Variants in GPC6 observed in about 807,000 individuals in gnomAD.
GPC6 encodes the protein glypican-6.
A neutral mutation model predicts 55.2 loss-of-function variants in GPC6; 14 were observed. The ratio of observed to expected loss-of-function variants is 0.25; its 90% CI spans 0.17 to 0.40. The LOEUF (loss-of-function observed/expected upper bound fraction) is 0.40. Among genes scored for constraint, GPC6 ranks in the 10% least tolerant of loss-of-function variants. GPC6 has a pLI of 1.00. For synonymous variants in GPC6, 278 were observed against 259.6 expected (o/e 1.07, Z -0.68); for missense variants, 641 against 708.5 (o/e 0.90, Z 1.08).
chr13:94,098,146 A>G, intron 4 of GPC6, among the ~76,000 whole-genome samples: 1 of 152,234 alleles, frequency 6.6e-6, no homozygotes, highest in African/African-American at 2.4e-5. Flanking sequence ...TGTAATATGG[A>G]AACTCTTCAT....
At chr13:94,052,519 G>A (rs747438426) in intron 4 of GPC6, among the ~76,000 whole-genome samples, 1 of 152,104 alleles carries the variant, frequency 6.6e-6, no homozygotes, top group Admixed American at 6.6e-5. Flanking sequence ...GTTGTAGGAC[G>A]AGGGAACCAT....
At chr13:93,807,844 C>G (rs969890773) in intron 2 of GPC6, among the ~76,000 whole-genome samples, 2 of 152,230 alleles carry the variant, frequency 1.3e-5, no homozygotes, top group Non-Finnish European at 2.9e-5. Flanking sequence ...ACTGGAAACT[C>G]AAGACCCTTT....
intron 1 of GPC6, among the ~76,000 whole-genome samples, chr13:93,359,056 C>T (rs919542719): frequency 6.7e-6 from 1 of 150,240 alleles, no homozygotes; most frequent in Non-Finnish European, 1.5e-5. Context: ...GCTGCTTCAA[C>T]CTCCTGGGCT....
intron 1 of GPC6, among the ~76,000 whole-genome samples, chr13:93,315,421 G>T (rs952719778): frequency 2.6e-5 from 4 of 151,730 alleles, no homozygotes; most frequent in Admixed American, 2.6e-4. Flanking sequence ...TCATCCCAGT[G>T]CAATTATATT....
chr13:93,925,733 T>C (rs1459761192), intron 3 of GPC6, among the ~76,000 whole-genome samples: 1 of 152,208 alleles, frequency 6.6e-6, no homozygotes, highest in Non-Finnish European at 1.5e-5. Flanking sequence ...TTGTCTTTAC[T>C]TCCTGATGTC....
chr13:93,636,927 G>GT lies in GPC6; in HGVS notation c.319+91521dup, dbSNP rs11299933. ...TCAAACAGCACAGAATAATGGTATA[G>GT]TTTTTTTTTTTTTTTCTCTCTCCTC... On this transcript the variant is annotated intron_variant, in intron 2 of 8. Transcript: ENST00000377047. 8.9e-3 allele frequency among the ~76,000 whole-genome samples: 1,284 copies of GT among 145,044 alleles called. 9 individuals are homozygous for GT. The highest frequency in any genetic ancestry group is 0.022 in the African/African-American group (876 of 39,722).
At chr13:93,380,074 A>G (rs574493764) in intron 1 of GPC6, among the ~76,000 whole-genome samples, 3 of 152,060 alleles carry the variant, frequency 2.0e-5, no homozygotes, top group South Asian at 4.1e-4. Flanking sequence ...GGATATTTAC[A>G]TTTTATTTAT....
chr13:93,556,994 C>A (rs1386254909), intron 2 of GPC6, among the ~76,000 whole-genome samples: 1 of 151,988 alleles, frequency 6.6e-6, no homozygotes, highest in African/African-American at 2.4e-5. Flanking sequence ...TATAATTTAA[C>A]TTTAATGTGT....
At chr13:94,237,193 A>G (rs888276829) in intron 4 of GPC6, among the ~76,000 whole-genome samples, 39 of 152,172 alleles carry the variant, frequency 2.6e-4, no homozygotes, top group African/African-American at 8.9e-4. Context: ...GAAATGGATT[A>G]AAATGGAATT....
chr13:94,030,089 G>T (rs1048299891), intron 4 of GPC6, among the ~76,000 whole-genome samples: 9 of 149,240 alleles, frequency 6.0e-5, no homozygotes, highest in Non-Finnish European at 8.9e-5. Flanking sequence ...TGCAAGCTCC[G>T]CCTCCCGGGT....
At chr13:93,284,919 C>A (rs1254849642) in intron 1 of GPC6, among the ~76,000 whole-genome samples, 1 of 152,102 alleles carries the variant, frequency 6.6e-6, no homozygotes, top group East Asian at 1.9e-4. Flanking sequence ...GAGAAAAGGC[C>A]TTCTTGGCAA....
chr13:93,580,726 T>A (rs1403280617), intron 2 of GPC6, among the ~76,000 whole-genome samples: 1 of 152,180 alleles, frequency 6.6e-6, no homozygotes, highest in East Asian at 1.9e-4. Flanking sequence ...GACTTCAAAA[T>A]TAGTTTATCC....
At chr13:93,936,820 A>G (rs895029977) in intron 3 of GPC6, among the ~76,000 whole-genome samples, 3 of 152,208 alleles carry the variant, frequency 2.0e-5, no homozygotes, top group Admixed American at 6.5e-5. Context: ...TGATTGAATA[A>G]CATGTAGTTA....
intron 3 of GPC6, among the ~76,000 whole-genome samples, chr13:94,019,614 C>G (rs1407962682): frequency 6.6e-6 from 1 of 152,118 alleles, no homozygotes; most frequent in Non-Finnish European, 1.5e-5. Flanking sequence ...TTCTTTGTGT[C>G]TCTGAGTGTC....
chr13:93,708,421 A>C (rs978300869), intron 2 of GPC6, among the ~76,000 whole-genome samples: 11 of 151,794 alleles, frequency 7.2e-5, no homozygotes, highest in Non-Finnish European at 1.3e-4. Context: ...AATACTACAA[A>C]TGTCTTAAAT....
intron 2 of GPC6, among the ~76,000 whole-genome samples, chr13:93,561,768 G>A (rs1192005054): frequency 6.6e-6 from 1 of 152,096 alleles, no homozygotes; most frequent in Non-Finnish European, 1.5e-5. Context: ...GGCAACGTTA[G>A]TATCCATTCT....
At chr13:93,457,041 TTCTC>T (rs1406212161) in intron 1 of GPC6, among the ~76,000 whole-genome samples, 1 of 152,182 alleles carries the variant, frequency 6.6e-6, no homozygotes, top group Non-Finnish European at 1.5e-5. Flanking sequence ...TCCGCTCTCA[TTCTC>T]TCTCCTGCCA....
At chr13:93,772,862 T>C (rs2138894833) in intron 2 of GPC6, among the ~76,000 whole-genome samples, 1 of 152,002 alleles carries the variant, frequency 6.6e-6, no homozygotes. Context: ...GAATCTGGAG[T>C]TTTCAACTCC....
intron 4 of GPC6, among the ~76,000 whole-genome samples, chr13:94,131,453 C>A (rs1045580153): frequency 1.3e-5 from 2 of 152,028 alleles, no homozygotes; most frequent in Non-Finnish European, 2.9e-5. Flanking sequence ...ATTCTGGGAA[C>A]ATTTTGTTAA....
Sources: allele counts gnomAD v4.1 joint callset (sites outside exome capture counted in the v4.1 genomes callset), GRCh38; gene constraint gnomAD v4.1.1; transcripts MANE v1.5; gene names NCBI Gene and HGNC (gene_info 2026-07-23, HGNC 2026-07-21).